VAV2: variants seen among roughly 807,000 people sequenced by gnomAD.
The protein encoded by VAV2 is vav guanine nucleotide exchange factor 2.
Under a neutral mutation model 132.5 loss-of-function variants are expected in VAV2, and 67 were observed. The ratio of observed to expected loss-of-function variants is 0.51; its 90% CI spans 0.42 to 0.62. The LOEUF is 0.62. Among genes scored for constraint, VAV2 ranks in the 20% least tolerant of loss-of-function variants. The pLI, the probability that VAV2 is intolerant of heterozygous loss-of-function variation, is 0.00. For missense variants in VAV2, 938 were observed against 1,153.6 expected (o/e 0.81, Z 2.71); for synonymous variants, 492 against 443.5 (o/e 1.11, Z -1.37).
At chr9:133,783,362 C>T in intron 19 of VAV2, 141 bp downstream of exon 19, 1 of 757,484 alleles carries the variant, frequency 1.3e-6, no homozygotes, top group Non-Finnish European at 2.3e-6. Flanking sequence ...GGTGTCTGCT[C>T]TGGGGCACGT....
intron 19 of VAV2, 79 bp from the exon 20 acceptor site, chr9:133,780,789 C>T (rs1030373008): frequency 4.0e-6 from 5 of 1,243,922 alleles, no homozygotes; most frequent in African/African-American, 3.1e-5. Context: ...CACACCGCCC[C>T]GAGCCTCTGG....
chr9:133,791,830 C>G lies in VAV2; in HGVS notation c.1141G>C (p.Glu381Gln), dbSNP rs765560617. The change falls in exon 13 of 30, where the codon GAG becomes CAG. Residue 381 changes from glutamate (E) to glutamine (Q), a missense_variant. Physicochemically the swap from Glu to Gln is conservative, Grantham distance 29. Transcript: ENST00000371850. ...AATTCGCTGATTTTCCTCAAGGTCTCCTTGTCCCGTTTAACTTCATTGATG... is the reference window on the plus strand; with the variant it reads ...AATTCGCTGATTTTCCTCAAGGTCTGCTTGTCCCGTTTAACTTCATTGATG... ...MYINEVKRDK[E>Q]TLRKISEFQS... The G allele has an allele frequency of 1.2e-6, 2 of 1,613,608 alleles. No homozygotes were observed. The highest frequency in any genetic ancestry group is 2.2e-5 in the South Asian group (2 of 91,064).
intron 1 of VAV2, among the ~76,000 whole-genome samples, chr9:133,974,500 C>T (rs1325396532): frequency 6.6e-6 from 1 of 152,184 alleles, no homozygotes; most frequent in African/African-American, 2.4e-5. Context: ...CAAACACACA[C>T]CTGCACCCTG....
chr9:133,812,113 C>T lies in VAV2; in HGVS notation c.552+1G>A. On this transcript the variant is annotated splice_donor_variant, in intron 5 of 29. Transcript: ENST00000371850. LOFTEE classifies it high-confidence loss of function. Reference sequence around the variant, plus strand: ...GGAGGGAGGAGCGGGGCAGGGCTCACCATGGGCTGCTGCACCTCCACCTTG... The same window carrying T: ...GGAGGGAGGAGCGGGGCAGGGCTCATCATGGGCTGCTGCACCTCCACCTTG... The T allele has an allele frequency of 1.2e-6, 2 of 1,613,836 alleles. No homozygotes were observed. The highest frequency in any genetic ancestry group is 1.7e-6 in the Non-Finnish European group (2 of 1,179,948).
chr9:133,769,570 A>G lies in VAV2; in HGVS notation c.2348-67T>C. The G allele has an allele frequency of 6.6e-7, 1 of 1,507,614 alleles. No individual in the cohort carries two copies. The allele number at this position is 1,507,614 out of a possible 1,614,324, so 93.4% of individuals were successfully genotyped here. A position where few individuals can be genotyped will look rare whatever the true frequency, so the allele number is the denominator to read the frequency against. On this transcript the variant is annotated intron_variant, in intron 27 of 29. Transcript: ENST00000371850. The surrounding 1 kb of genome is among the most constrained non-coding windows in gnomAD (Gnocchi z 8.1). ...ATCCACGCACAGTCACGGTGGGCACAGCTACAGGCCGGGGGGCATGGGGTG... is the reference window on the plus strand; with the variant it reads ...ATCCACGCACAGTCACGGTGGGCACGGCTACAGGCCGGGGGGCATGGGGTG...
intron 6 of VAV2, 74 bp from the exon 7 acceptor site, chr9:133,809,212 C>T (rs1467624702): frequency 5.5e-6 from 7 of 1,270,900 alleles, no homozygotes; most frequent in Middle Eastern, 3.8e-4. Flanking sequence ...TGCACCGCGA[C>T]ACCCGGACAC....
chr9:133,828,935 G>A (rs1836158207), intron 4 of VAV2, among the ~76,000 whole-genome samples: 1 of 152,194 alleles, frequency 6.6e-6, no homozygotes, highest in Non-Finnish European at 1.5e-5. Flanking sequence ...CTTCTGAGGA[G>A]GCCCGGCTGT....
intron 4 of VAV2, among the ~76,000 whole-genome samples, chr9:133,822,427 T>C (rs2131735829): frequency 6.6e-6 from 1 of 152,240 alleles, no homozygotes. Context: ...ATCGAGCCTC[T>C]GAAGAAGCCG....
At chr9:133,785,727 C>G (rs754172571) in intron 17 of VAV2, 49 bp downstream of exon 17, 3 of 1,570,300 alleles carry the variant, frequency 1.9e-6, no homozygotes, top group Non-Finnish European at 2.6e-6. Flanking sequence ...TTCCACCCCC[C>G]ATACAACTCA....
rs942293798 is a variant in VAV2, at chr9:133,788,173, C to T, written c.1407+181G>A. ...GCAGGCCTGCTATGAGCAGTGGTCACGACGGCGAGGCAGTGACTCAGAGAG... is the reference window on the plus strand; with the variant it reads ...GCAGGCCTGCTATGAGCAGTGGTCATGACGGCGAGGCAGTGACTCAGAGAG... On this transcript the variant is annotated intron_variant, in intron 15 of 29. Coordinates refer to ENST00000371850, the MANE Select transcript of VAV2 (RefSeq NM_001134398.2). The surrounding 1 kb of genome is among the most constrained non-coding windows in gnomAD (Gnocchi z 5.3). 2.6e-5 allele frequency among the ~76,000 whole-genome samples: 4 copies of T among 152,176 alleles called. No individual in the cohort carries two copies. The highest frequency in any genetic ancestry group is 1.9e-4 in the East Asian group (1 of 5,190).
At position 133,912,624 on chromosome 9, in the gene VAV2, G is replaced by A. The variant is rs559220856; in HGVS notation, c.321+26479C>T. The stretch of plus-strand genomic sequence containing the variant: ...TTCAATCGCGGAACACAAATTACAC[G>A]TGTGATGCTCTTCTCCACGTGTGCA... On this transcript the variant is annotated intron_variant, in intron 2 of 29. Transcript: ENST00000371850. The surrounding 1 kb of genome is among the most constrained non-coding windows in gnomAD (Gnocchi z 4.3). 6.6e-5 allele frequency among the ~76,000 whole-genome samples: 10 copies of A among 152,208 alleles called. No individual in the cohort carries two copies. The highest frequency in any genetic ancestry group is 3.4e-3 in the Middle Eastern group (1 of 294).
chr9:133,779,813 T>C (rs1833942122), intron 21 of VAV2, 105 bp downstream of exon 21: 1 of 1,475,522 alleles, frequency 6.8e-7, no homozygotes, highest in Non-Finnish European at 9.2e-7. Context: ...CTGGAGCGTC[T>C]GGTGGCTGGG....
chr9:133,960,872 C>T (rs1408083332), intron 1 of VAV2, among the ~76,000 whole-genome samples: 2 of 152,202 alleles, frequency 1.3e-5, no homozygotes, highest in Non-Finnish European at 2.9e-5. Context: ...CCAGGCTCCC[C>T]GGGGACAGAG....
intron 2 of VAV2, among the ~76,000 whole-genome samples, chr9:133,873,740 C>T (rs865798079): frequency 6.6e-6 from 1 of 152,170 alleles, no homozygotes; most frequent in African/African-American, 2.4e-5. Context: ...GGGGGAATTT[C>T]CCGTCCTTCA....
chr9:133,917,596 A>C (rs140750909), intron 2 of VAV2, among the ~76,000 whole-genome samples: 1 of 152,270 alleles, frequency 6.6e-6, no homozygotes, highest in East Asian at 1.9e-4. Flanking sequence ...TGCAGTTGGG[A>C]CTTTGCCTAC....
intron 1 of VAV2, chr9:133,939,448 G>A (rs1841051969): frequency 3.4e-6 from 2 of 583,326 alleles, no homozygotes; most frequent in Admixed American, 3.0e-5. Flanking sequence ...AGGCAGACCA[G>A]CTCCACATCC....
At chr9:133,929,341 TG>T (rs1840594215) in intron 2 of VAV2, among the ~76,000 whole-genome samples, 1 of 152,064 alleles carries the variant, frequency 6.6e-6, no homozygotes, top group African/African-American at 2.4e-5. Flanking sequence ...GGGGAGCAGA[TG>T]GGAAGTCCAG....
rs1025493739 is a variant in VAV2, at chr9:133,824,362, C to T, written c.449+9910G>A. 6.6e-6 allele frequency among the ~76,000 whole-genome samples: 1 copy of T among 152,010 alleles called. No individual in the cohort carries two copies. The highest frequency in any genetic ancestry group is 1.5e-5 in the Non-Finnish European group (1 of 67,984). ...AGCCCTCAGTTCCCGAGAACAGACA[C>T]AGCAGAGACCAGGACCCTCCTAAAA... is the stretch of plus-strand genomic sequence containing the variant. On this transcript the variant is annotated intron_variant, in intron 4 of 29. Coordinates refer to ENST00000371850, the MANE Select transcript of VAV2 (RefSeq NM_001134398.2). This position sits in a 1 kb window ranked among gnomAD's most constrained non-coding sequence, Gnocchi z 5.2.
At chr9:133,880,922 C>T (rs867466735) in intron 2 of VAV2, among the ~76,000 whole-genome samples, 1 of 152,254 alleles carries the variant, frequency 6.6e-6, no homozygotes, top group African/African-American at 2.4e-5. Flanking sequence ...GGCAGGTGAA[C>T]TGCAAGGATC....
Sources: allele counts gnomAD v4.1 joint callset (sites outside exome capture counted in the v4.1 genomes callset), GRCh38; gene constraint gnomAD v4.1.1; non-coding constraint Gnocchi (gnomAD v3.1); transcripts MANE v1.5; gene names NCBI Gene and HGNC (gene_info 2026-07-23, HGNC 2026-07-21).